MDGA2: variants seen among roughly 807,000 people sequenced by gnomAD.
MDGA2 encodes MAM domain containing glycosylphosphatidylinositol anchor 2, also known as MAM domain-containing glycosylphosphatidylinositol anchor protein 2.
Under a neutral mutation model 117.8 loss-of-function variants are expected in MDGA2, and 40 were observed. The ratio of observed to expected loss-of-function variants is 0.34; its 90% CI spans 0.26 to 0.44. The LOEUF (loss-of-function observed/expected upper bound fraction) is 0.44, where lower values mean the gene tolerates loss of function less well. Ranked by LOEUF, MDGA2 falls within the 20% of genes least tolerant of loss-of-function variation. The pLI is 1.00. For synonymous variants in MDGA2, 452 were observed against 439.0 expected (o/e 1.03, Z -0.37); for missense variants, 1,123 against 1,250.6 (o/e 0.90, Z 1.54).
chr14:47,523,675 T>A (rs1190091578), intron 1 of MDGA2, among the ~76,000 whole-genome samples: 1 of 152,062 alleles, frequency 6.6e-6, no homozygotes, highest in Non-Finnish European at 1.5e-5. Context: ...GTGGGCTCAG[T>A]CTCCAGGTGA....
chr14:46,985,259 T>C (rs1185224630), intron 8 of MDGA2, among the ~76,000 whole-genome samples: 3 of 152,060 alleles, frequency 2.0e-5, no homozygotes, highest in Middle Eastern at 3.2e-3. Flanking sequence ...AAAGAAGTGA[T>C]AAAAATATAA....
At chr14:47,658,063 G>C (rs933352421) in intron 1 of MDGA2, among the ~76,000 whole-genome samples, 21 of 152,214 alleles carry the variant, frequency 1.4e-4, no homozygotes, top group Middle Eastern at 3.4e-3. Context: ...TTCCCAGAGG[G>C]GGACACTTTT....
intron 4 of MDGA2, among the ~76,000 whole-genome samples, chr14:47,134,451 A>T (rs1036317132): frequency 1.3e-5 from 2 of 152,138 alleles, no homozygotes; most frequent in Non-Finnish European, 2.9e-5. Context: ...ATTACAGATA[A>T]TCAATAGATA....
chr14:47,425,849 A>G (rs936810204), intron 1 of MDGA2, among the ~76,000 whole-genome samples: 3 of 152,072 alleles, frequency 2.0e-5, no homozygotes, highest in Non-Finnish European at 4.4e-5. Context: ...TAGCCACAGA[A>G]TATTTATCAA....
intron 1 of MDGA2, among the ~76,000 whole-genome samples, chr14:47,426,573 C>T (rs1217899452): frequency 2.0e-5 from 3 of 151,012 alleles, no homozygotes; most frequent in East Asian, 1.9e-4. Flanking sequence ...AAAAATAGCA[C>T]CAAAAATTAT....
intron 8 of MDGA2, among the ~76,000 whole-genome samples, chr14:46,997,416 A>C (rs1049911589): frequency 6.6e-6 from 1 of 152,196 alleles, no homozygotes; most frequent in East Asian, 1.9e-4. Flanking sequence ...TTCCCGAAGA[A>C]ATTACAAATA....
At chr14:47,455,807 G>A (rs1283691474) in intron 1 of MDGA2, among the ~76,000 whole-genome samples, 1 of 151,906 alleles carries the variant, frequency 6.6e-6, no homozygotes, top group Non-Finnish European at 1.5e-5. Flanking sequence ...GTCCAGCCTG[G>A]ACAACATGGT....
At chr14:47,037,831 T>C (rs1888911282) in intron 7 of MDGA2, among the ~76,000 whole-genome samples, 1 of 152,184 alleles carries the variant, frequency 6.6e-6, no homozygotes, top group Non-Finnish European at 1.5e-5. Flanking sequence ...TAAAGACTAA[T>C]GGAGGGTTAT....
intron 1 of MDGA2, among the ~76,000 whole-genome samples, chr14:47,597,208 G>C (rs1896559682): frequency 6.6e-6 from 1 of 151,962 alleles, no homozygotes; most frequent in African/African-American, 2.4e-5. Flanking sequence ...AAAAATCTAA[G>C]AGAATCATTA....
At chr14:46,882,364 A>G (rs929027905) in intron 10 of MDGA2, 143 bp from the exon 11 acceptor site, 1 of 653,912 alleles carries the variant, frequency 1.5e-6, no homozygotes, top group Admixed American at 3.5e-5. Context: ...AAGTTTCTAT[A>G]ATGATAAACA....
At chr14:46,985,052 G>A (rs1365108757) in intron 8 of MDGA2, among the ~76,000 whole-genome samples, 1 of 151,970 alleles carries the variant, frequency 6.6e-6, no homozygotes, top group Non-Finnish European at 1.5e-5. Context: ...AAGAAGAATA[G>A]AGTAGAGCTA....
intron 3 of MDGA2, among the ~76,000 whole-genome samples, chr14:47,201,413 A>T (rs992170284): frequency 3.9e-5 from 6 of 152,076 alleles, no homozygotes; most frequent in Admixed American, 2.0e-4. Flanking sequence ...ATAAACCCAG[A>T]TTGTTCTCCC....
At chr14:46,849,312 G>A (rs1225131240) in intron 15 of MDGA2, among the ~76,000 whole-genome samples, 2 of 151,954 alleles carry the variant, frequency 1.3e-5, no homozygotes, top group Non-Finnish European at 2.9e-5. Flanking sequence ...AATTTCCACA[G>A]TTTTGCTATT....
chr14:47,536,278 A>C (rs1361285784), intron 1 of MDGA2, among the ~76,000 whole-genome samples: 1 of 152,250 alleles, frequency 6.6e-6, no homozygotes. Flanking sequence ...TGAATCATTA[A>C]AAACAAACTT....
intron 6 of MDGA2, among the ~76,000 whole-genome samples, chr14:47,095,403 A>G: frequency 6.6e-6 from 1 of 151,972 alleles, no homozygotes; most frequent in East Asian, 1.9e-4. Context: ...ATAAAAACTA[A>G]TTTAGAAGTC....
At chr14:47,171,982 C>T (rs1884164098) in intron 3 of MDGA2, among the ~76,000 whole-genome samples, 1 of 152,170 alleles carries the variant, frequency 6.6e-6, no homozygotes. Context: ...AAACGGTGCA[C>T]CAGGAGATTA....
chr14:47,398,333 G>A (rs1023577175), intron 1 of MDGA2, among the ~76,000 whole-genome samples: 1 of 152,158 alleles, frequency 6.6e-6, no homozygotes, highest in African/African-American at 2.4e-5. Context: ...GAGTCTTGTA[G>A]GAAGCAGTAT....
chr14:46,875,423 T>C (rs1208125763), intron 12 of MDGA2, among the ~76,000 whole-genome samples: 2 of 151,808 alleles, frequency 1.3e-5, no homozygotes, highest in African/African-American at 4.8e-5. Context: ...TTTATCTCTT[T>C]GTATTTATTT....
intron 3 of MDGA2, among the ~76,000 whole-genome samples, chr14:47,198,009 C>A (rs1030150811): frequency 1.3e-5 from 2 of 152,140 alleles, no homozygotes; most frequent in Admixed American, 6.5e-5. Context: ...AAAATGATAC[C>A]ATTCATATGC....
Sources: allele counts gnomAD v4.1 joint callset (sites outside exome capture counted in the v4.1 genomes callset), GRCh38; gene constraint gnomAD v4.1.1; transcripts MANE v1.5; gene names NCBI Gene and HGNC (gene_info 2026-07-23, HGNC 2026-07-21).